EXOC4: variants seen among roughly 807,000 people sequenced by gnomAD.
The protein encoded by EXOC4 is exocyst complex component 4.
In EXOC4, 71 loss-of-function variants were observed where a neutral mutation model predicts 107.2. That is an observed-to-expected ratio of 0.66 (90% CI 0.55 to 0.81). The LOEUF (loss-of-function observed/expected upper bound fraction) is 0.81, where lower values mean the gene tolerates loss of function less well. Ranked by LOEUF, EXOC4 falls within the 30% of genes least tolerant of loss-of-function variation. The probability of loss-of-function intolerance (pLI) is 0.00; values close to 1 mark genes in which losing one functional copy is unlikely to be tolerated. For synonymous variants in EXOC4, 456 were observed against 441.2 expected (o/e 1.03, Z -0.42); for missense variants, 1,108 against 1,189.6 (o/e 0.93, Z 1.01).
intron 11 of EXOC4, among the ~76,000 whole-genome samples, chr7:133,868,613 C>T (rs891054268): frequency 1.3e-5 from 2 of 152,132 alleles, no homozygotes; most frequent in Admixed American, 6.5e-5. Flanking sequence ...TTTGCCCCCA[C>T]GTCCAGATGT....
chr7:133,368,228 G>A (rs550075026), intron 6 of EXOC4, among the ~76,000 whole-genome samples: 6 of 152,324 alleles, frequency 3.9e-5, no homozygotes, highest in Admixed American at 1.3e-4. Context: ...AGTTTGTTTG[G>A]AGGGACTGTA....
chr7:133,730,362 G>A (rs1000800068), intron 10 of EXOC4, among the ~76,000 whole-genome samples: 1 of 151,828 alleles, frequency 6.6e-6, no homozygotes, highest in Non-Finnish European at 1.5e-5. Context: ...GGATCCTCAT[G>A]TATGGAGCGT....
chr7:133,770,001 T>C (rs147690738), intron 10 of EXOC4, among the ~76,000 whole-genome samples: 2 of 151,986 alleles, frequency 1.3e-5, no homozygotes, highest in African/African-American at 4.8e-5. Context: ...TCAAATTATG[T>C]ATTAGGAAAG....
chr7:133,806,152 G>A (rs1797071627), intron 10 of EXOC4, among the ~76,000 whole-genome samples: 2 of 152,196 alleles, frequency 1.3e-5, no homozygotes, highest in Non-Finnish European at 2.9e-5. Flanking sequence ...TAGTGAAGGG[G>A]TAAACAAGTA....
At chr7:133,817,653 G>A (rs1797405384) in intron 11 of EXOC4, 109 bp downstream of exon 11, 5 of 774,854 alleles carry the variant, frequency 6.5e-6, no homozygotes, top group Non-Finnish European at 1.0e-5. Flanking sequence ...ATTCATCAGG[G>A]ACAAAACAAA....
At chr7:133,827,293 G>A (rs1427464024) in intron 11 of EXOC4, among the ~76,000 whole-genome samples, 1 of 151,980 alleles carries the variant, frequency 6.6e-6, no homozygotes, top group Non-Finnish European at 1.5e-5. Flanking sequence ...GGCAGAACAG[G>A]CCCATTATAT....
intron 11 of EXOC4, among the ~76,000 whole-genome samples, chr7:133,850,961 T>C (rs6972284): frequency 0.62 from 94,723 of 152,040 alleles, 32,085 homozygotes; most frequent in African/African-American, 0.9. Context: ...GCTTATTCAA[T>C]TCTTCCTCAT....
At chr7:133,726,500 A>T (rs567092417) in intron 10 of EXOC4, among the ~76,000 whole-genome samples, 1 of 152,052 alleles carries the variant, frequency 6.6e-6, no homozygotes, top group African/African-American at 2.4e-5. Context: ...CCCATTGCCA[A>T]CTCCTTGACC....
chr7:134,092,855 A>C, the EXOC4 span, among the ~76,000 whole-genome samples: 7 of 149,342 alleles, frequency 4.7e-5, no homozygotes, highest in Admixed American at 1.4e-4. Flanking sequence ...CCCAGGAGGC[A>C]GACATTGCAG....
intron 10 of EXOC4, among the ~76,000 whole-genome samples, chr7:133,787,963 TTATATATATATATATATATATA>T (rs1163259405): frequency 0.022 from 905 of 40,978 alleles, 74 homozygotes; most frequent in African/African-American, 0.071. Context: ...ATTTATATAT[TTATATATATATATATATATATA>T]TATATATATA....
At chr7:133,963,478 A>G (rs200539818) in intron 14 of EXOC4, among the ~76,000 whole-genome samples, 2 of 152,182 alleles carry the variant, frequency 1.3e-5, no homozygotes, top group East Asian at 3.8e-4. Context: ...GGCAAAAGAA[A>G]CGCCAACACC....
At chr7:133,596,511 A>C (rs1053878462) in intron 9 of EXOC4, among the ~76,000 whole-genome samples, 1 of 152,146 alleles carries the variant, frequency 6.6e-6, no homozygotes, top group African/African-American at 2.4e-5. Context: ...TTGTGTTTGG[A>C]GCTTGGTAAA....
At chr7:133,411,200 A>G (rs2150745547) in intron 7 of EXOC4, among the ~76,000 whole-genome samples, 1 of 152,314 alleles carries the variant, frequency 6.6e-6, no homozygotes, top group African/African-American at 2.4e-5. Context: ...TTGTATCAAA[A>G]GGAATTTAGC....
intron 10 of EXOC4, among the ~76,000 whole-genome samples, chr7:133,714,077 C>T (rs1794950824): frequency 1.3e-5 from 2 of 152,014 alleles, no homozygotes; most frequent in Non-Finnish European, 2.9e-5. Flanking sequence ...ACTGTCAGGC[C>T]CACCCTCACA....
chr7:133,897,989 C>T (rs1055466957), intron 12 of EXOC4, among the ~76,000 whole-genome samples: 2 of 151,910 alleles, frequency 1.3e-5, no homozygotes, highest in African/African-American at 4.8e-5. Context: ...AGCAACATCT[C>T]CCCACCTCAC....
At chr7:133,440,452 A>G (rs1410526815) in intron 7 of EXOC4, among the ~76,000 whole-genome samples, 2 of 151,292 alleles carry the variant, frequency 1.3e-5, no homozygotes, top group African/African-American at 2.4e-5. Flanking sequence ...AGTGTTCATG[A>G]TGTGACTGGA....
At chr7:133,591,129 T>C (rs1329163870) in intron 9 of EXOC4, among the ~76,000 whole-genome samples, 1 of 152,190 alleles carries the variant, frequency 6.6e-6, no homozygotes, top group African/African-American at 2.4e-5. Flanking sequence ...CCAAGGGAAC[T>C]ATCCTATTTC....
Position 133,989,113 on chromosome 7 carries a change from T to C in EXOC4, c.2207-8379T>C, listed in dbSNP as rs889138717. ...GCAGTAGATAACAGAAAAGAAAAAA[T>C]AAATATTAAGAAAATATTTGTAAAT... On this transcript the variant is annotated intron_variant, in intron 14 of 17. Coordinates refer to ENST00000253861, the MANE Select transcript of EXOC4 (RefSeq NM_021807.4). 2.6e-4 allele frequency among the ~76,000 whole-genome samples: 39 copies of C among 151,930 alleles called. 1 individual carries two copies. The highest frequency in any genetic ancestry group is 4.9e-4 in the Non-Finnish European group (33 of 67,966).
At chr7:134,083,726 T>C in the EXOC4 span, among the ~76,000 whole-genome samples, 1 of 152,212 alleles carries the variant, frequency 6.6e-6, no homozygotes, top group Admixed American at 6.5e-5. Flanking sequence ...TCCTTTTAAA[T>C]TGTAGTCCTA....
Sources: allele counts gnomAD v4.1 joint callset (sites outside exome capture counted in the v4.1 genomes callset), GRCh38; gene constraint gnomAD v4.1.1; transcripts MANE v1.5; gene names NCBI Gene and HGNC (gene_info 2026-07-23, HGNC 2026-07-21).